The following TMEM165 variants were observed in gnomAD, a reference collection of about 807,000 sequenced individuals.
The protein encoded by TMEM165 is putative divalent cation/proton antiporter TMEM165.
In TMEM165, 19 loss-of-function variants were observed where a neutral mutation model predicts 30.0. That is an observed-to-expected ratio of 0.63 (90% confidence interval 0.44 to 0.93). The LOEUF (loss-of-function observed/expected upper bound fraction) is 0.93, where lower values mean the gene tolerates loss of function less well. TMEM165 is among the 40% of genes least tolerant of loss of function. The pLI, the probability that TMEM165 is intolerant of heterozygous loss-of-function variation, is 0.00. For synonymous variants in TMEM165, 168 were observed against 162.9 expected (o/e 1.03, Z -0.24); for missense variants, 340 against 417.0 (o/e 0.82, Z 1.61).
downstream of TMEM165, among the ~76,000 whole-genome samples, chr4:55,426,692 G>A (rs1722215573): frequency 6.6e-6 from 1 of 152,192 alleles, no homozygotes; most frequent in African/African-American, 2.4e-5. Flanking sequence ...AGGTTTATGA[G>A]CTACTACAAA....
In TMEM165 at chr4:55,417,809, C is replaced by G; in HGVS notation, c.616C>G (p.Arg206Gly). The G allele has an allele frequency of 6.3e-7, 1 of 1,594,448 alleles. No homozygotes were observed. Residue 206 changes from arginine (R) to glycine (G), a missense_variant, in exon 4 of 6, where the codon CGA becomes GGA. Coordinates refer to ENST00000381334, the MANE Select transcript of TMEM165 (RefSeq NM_018475.5). ...ELKKKDEEFQ[R>G]TKLLNGPGDV... ...TGTTTATTATTTATTTTAGTTTCAACGAACCAAACTTTTAAATGGACCGGG... is the reference window on the plus strand; with the variant it reads ...TGTTTATTATTTATTTTAGTTTCAAGGAACCAAACTTTTAAATGGACCGGG...
At chr4:55,403,552 G>A (rs1194060115) in intron 1 of TMEM165, among the ~76,000 whole-genome samples, 1 of 107,956 alleles carries the variant, frequency 9.3e-6, no homozygotes, top group Admixed American at 1.2e-4. Flanking sequence ...AACTAGAAAA[G>A]AGTTTTTATT....
At chr4:55,410,259 T>C (rs1400380080) in intron 1 of TMEM165, among the ~76,000 whole-genome samples, 2 of 152,200 alleles carry the variant, frequency 1.3e-5, no homozygotes, top group Non-Finnish European at 2.9e-5. Context: ...TTTAGAACTG[T>C]ATATAGAACT....
chr4:55,440,906 T>G (rs1227293693), intron 3 of TMEM165, among the ~76,000 whole-genome samples: 1 of 152,162 alleles, frequency 6.6e-6, no homozygotes, highest in African/African-American at 2.4e-5. Context: ...TCTGCCTTGG[T>G]GAAGCTTTCC....
chr4:55,400,296 A>AATATTATATATAATATTAT (rs1553884940), intron 1 of TMEM165, among the ~76,000 whole-genome samples: 5 of 103,600 alleles, frequency 4.8e-5, no homozygotes, highest in African/African-American at 1.8e-4. Flanking sequence ...TATTATATAT[A>AATATTATATATAATATTAT]ATATTATATA....
intron 3 of TMEM165, among the ~76,000 whole-genome samples, chr4:55,437,195 G>C (rs1722950726): frequency 6.6e-6 from 1 of 152,138 alleles, no homozygotes; most frequent in Non-Finnish European, 1.5e-5. Context: ...CAAAGACAAG[G>C]ATTATATTTG....
rs1240322609 is a variant in TMEM165 at position 55,425,926 on chromosome 4, T to G, written c.*474T>G. ...AATCATTGGTCTTTTCAAAACTAGG[T>G]GTTTAAAAAAAGAGACATATATGAT... On this transcript the variant is annotated 3_prime_UTR_variant, in exon 6 of 6. Transcript: ENST00000381334. 6.6e-6 allele frequency: 1 copy of G among 152,272 alleles called. No individual in the cohort carries two copies. The highest frequency in any genetic ancestry group is 1.5e-5 in the Non-Finnish European group (1 of 68,114). 9.4% of individuals were successfully genotyped at this position (152,272 alleles called of 1,614,324 possible).
At chr4:55,411,589 GAAGT>G in intron 1 of TMEM165, 21 bp from the exon 2 acceptor site, 3 of 1,554,840 alleles carry the variant, frequency 1.9e-6, no homozygotes, top group Non-Finnish European at 2.6e-6. Context: ...ATGATTTTAA[GAAGT>G]AACTGATTTT....
At chr4:55,416,406 G>C (rs528542288) in intron 2 of TMEM165, among the ~76,000 whole-genome samples, 1 of 152,134 alleles carries the variant, frequency 6.6e-6, no homozygotes, top group Non-Finnish European at 1.5e-5. Flanking sequence ...TTGAGTTCTT[G>C]ATATAGTTCC....
intron 3 of TMEM165, chr4:55,435,508 T>G (rs35793438): frequency 0.048 from 77,943 of 1,614,024 alleles, 2,209 homozygotes; most frequent in Non-Finnish European, 0.058. Context: ...GCTGGTGATG[T>G]GACTGAGGGA....
rs973946863 is a variant in TMEM165, at chr4:55,435,270, C to T, written c.408+10627C>T. 9.3e-5 allele frequency: 89 copies of T among 957,404 alleles called. No individual in the cohort carries two copies. In the African/African-American group the frequency reaches 1.3e-3, roughly 14 times the overall value. The allele number at this position is 957,404 out of a possible 1,614,324, so 59.3% of individuals were successfully genotyped here. ...TCTGTAGCACTAGGCAGCATTTTCT[C>T]TGCCAACTAATTCCAGGAACTAGAA... is the stretch of plus-strand genomic sequence containing the variant. On this transcript the variant is annotated intron_variant, in intron 3 of 3. Transcript: ENST00000608091.
Position 55,447,048 on chromosome 4 carries a change from GT to G in TMEM165, c.409-5182del, listed in dbSNP as rs376362128. Among the ~76,000 whole-genome samples the G allele has an allele frequency of 2.5e-4, 36 of 145,814 alleles. No individual in the cohort carries two copies. In the South Asian group the frequency reaches 7.7e-3, roughly 31 times the overall value. On this transcript the variant is annotated intron_variant, in intron 3 of 3. Coordinates refer to the TMEM165 transcript ENST00000608091. ...TCAACTCCCTCAAGTTTTTTTTTTT[GT>G]TTTTTTTTAAATATTAGTCAAAATG... is the stretch of plus-strand genomic sequence containing the variant.
chr4:55,434,160 G>A (rs967584035), intron 3 of TMEM165: 4 of 152,554 alleles, frequency 2.6e-5, no homozygotes, highest in Admixed American at 6.6e-5. Context: ...TACGGAAACC[G>A]GACAATGACT....
At chr4:55,433,139 G>A (rs1027449336) in intron 3 of TMEM165, 5 of 152,612 alleles carry the variant, frequency 3.3e-5, no homozygotes, top group African/African-American at 9.7e-5. Context: ...AATTTGAAAG[G>A]GGAGAAGAAC....
At chr4:55,439,261 G>A (rs979706274) in intron 3 of TMEM165, among the ~76,000 whole-genome samples, 18 of 152,080 alleles carry the variant, frequency 1.2e-4, no homozygotes, top group Non-Finnish European at 2.4e-4. Flanking sequence ...ACATGAAAAG[G>A]TGCTCCACAT....
chr4:55,435,345 C>T (rs758903754), intron 3 of TMEM165: 5 of 1,568,258 alleles, frequency 3.2e-6, no homozygotes, highest in Non-Finnish European at 4.4e-6. Flanking sequence ...CTCCTTTCCT[C>T]AGGTCATCTG....
chr4:55,424,180 G>A (rs1405516952), intron 4 of TMEM165: 2 of 195,156 alleles, frequency 1.0e-5, no homozygotes, highest in Non-Finnish European at 2.1e-5. Context: ...GTATCTGAGG[G>A]AACAGATGTC....
intron 3 of TMEM165, among the ~76,000 whole-genome samples, chr4:55,437,567 A>G (rs774280255): frequency 6.6e-6 from 1 of 152,214 alleles, no homozygotes; most frequent in Admixed American, 6.5e-5. Context: ...ACATTTGTCA[A>G]TATAGCGGTC....
Position 55,417,848 on chromosome 4 carries a change from G to T in TMEM165, c.655G>T (p.Gly219Cys). The T allele has an allele frequency of 6.2e-7, 1 of 1,613,498 alleles. No individual in the cohort carries two copies. Among genetic ancestry groups the T allele is most frequent in the East Asian group, 2.2e-5 (1 of 44,858 alleles). Reference sequence around the variant, plus strand: ...AAATGGACCGGGAGATGTTGAAACGGGTACAAGCATAACAGTACCTCAGAA... The same window carrying T: ...AAATGGACCGGGAGATGTTGAAACGTGTACAAGCATAACAGTACCTCAGAA... ...LLNGPGDVET[G>C]TSITVPQKKW... Residue 219 changes from glycine (G) to cysteine (C), a missense_variant, in exon 4 of 6, where the codon GGT (glycine) becomes TGT (cysteine). Gly to Cys is a radical substitution (Grantham distance 159). Coordinates refer to ENST00000381334, the MANE Select transcript of TMEM165 (RefSeq NM_018475.5).
Sources: gnomAD v4.1 joint callset for allele counts (sites outside exome capture counted in the v4.1 genomes callset) on GRCh38, gnomAD v4.1.1 for gene constraint, MANE v1.5 for transcripts, NCBI Gene and HGNC (gene_info 2026-07-23, HGNC 2026-07-21) for gene names.